The following RALYL variants were observed in gnomAD, a reference collection of about 807,000 sequenced individuals.
RALYL encodes the protein RALY RNA binding protein like, also known as RNA-binding Raly-like protein.
Under a neutral mutation model 35.1 loss-of-function variants are expected in RALYL, and 29 were observed. The ratio of observed to expected loss-of-function variants is 0.83; its 90% CI spans 0.61 to 1.13. The LOEUF (loss-of-function observed/expected upper bound fraction) is 1.13, where lower values mean the gene tolerates loss of function less well. Ranked by LOEUF, RALYL falls within the 50% of genes most tolerant of loss-of-function variation. The probability of loss-of-function intolerance (pLI) is 0.00; values close to 1 mark genes in which losing one functional copy is unlikely to be tolerated. For missense variants in RALYL, 359 were observed against 360.4 expected (o/e 1.00, Z 0.03); for synonymous variants, 120 against 127.6 (o/e 0.94, Z 0.40).
chr8:84,409,820 A>G (rs1009521795), intron 1 of RALYL, among the ~76,000 whole-genome samples: 1 of 151,960 alleles, frequency 6.6e-6, no homozygotes, highest in Non-Finnish European at 1.5e-5. Flanking sequence ...TTCTAAACCT[A>G]TTAAGAACTA....
At chr8:84,652,356 A>G (rs1165585463) in intron 2 of RALYL, among the ~76,000 whole-genome samples, 1 of 152,052 alleles carries the variant, frequency 6.6e-6, no homozygotes, top group Non-Finnish European at 1.5e-5. Context: ...TTTTAGTTAA[A>G]TGATTGCACT....
At chr8:84,583,797 C>A (rs1811378793) in intron 2 of RALYL, among the ~76,000 whole-genome samples, 2 of 152,040 alleles carry the variant, frequency 1.3e-5, no homozygotes, top group South Asian at 4.1e-4. Flanking sequence ...ATTATTAAAT[C>A]CTTGCAACAA....
rs373020590 is a variant in RALYL at position 84,874,306 on chromosome 8, C to T, written c.685+909C>T. Among the ~76,000 whole-genome samples the T allele has an allele frequency of 1.3e-4, 20 of 152,236 alleles. 1 individual carries two copies. In the South Asian group the frequency reaches 2.1e-3, roughly 16 times the overall value. Reference sequence around the variant, plus strand: ...TAAATAAATAAATAAAGTGTGAAAGCCCTTGATAAATCCAACCTCTTCATT... The same window carrying T: ...TAAATAAATAAATAAAGTGTGAAAGTCCTTGATAAATCCAACCTCTTCATT... On this transcript the variant is annotated intron_variant, in intron 7 of 8. Transcript: ENST00000521268.
At chr8:84,414,155 T>G (rs770600177) in intron 1 of RALYL, among the ~76,000 whole-genome samples, 2 of 152,162 alleles carry the variant, frequency 1.3e-5, no homozygotes, top group Admixed American at 6.5e-5. Context: ...AATCCCATGT[T>G]GATGACATTT....
intron 2 of RALYL, among the ~76,000 whole-genome samples, chr8:84,537,179 CTA>C (rs1380961781): frequency 3.5e-5 from 5 of 143,696 alleles, no homozygotes; most frequent in Non-Finnish European, 6.1e-5. Context: ...AAAAAAAACT[CTA>C]TTCACGGGCC....
intron 1 of RALYL, among the ~76,000 whole-genome samples, chr8:84,216,301 A>G (rs549989064): frequency 2.6e-5 from 4 of 152,172 alleles, no homozygotes; most frequent in African/African-American, 9.6e-5. Flanking sequence ...TTATACCACC[A>G]TAAGCCTATG....
At chr8:84,650,988 G>A (rs56815846) in intron 2 of RALYL, among the ~76,000 whole-genome samples, 29,507 of 151,490 alleles carry the variant, frequency 0.19, 3,102 homozygotes, top group Non-Finnish European at 0.23. Context: ...ACCAAACACC[G>A]CATATTCTCA....
rs145377200 is a variant in RALYL at position 84,676,781 on chromosome 8, C to T, written c.257-97798C>T. On this transcript the variant is annotated intron_variant, in intron 2 of 8. Transcript: ENST00000521268. Reference sequence around the variant, plus strand: ...CTTTCAAAATATTTTTTATTGCTTGCGCTTGATTACATATTAAAAGATTTT... The same window carrying T: ...CTTTCAAAATATTTTTTATTGCTTGTGCTTGATTACATATTAAAAGATTTT... Among the ~76,000 whole-genome samples the T allele has an allele frequency of 4.0e-3, 612 of 151,486 alleles. 6 individuals are homozygous for T. Among genetic ancestry groups the T allele is most frequent in the African/African-American group, 0.013 (552 of 41,178 alleles).
At chr8:84,621,187 G>A (rs1250076699) in intron 2 of RALYL, among the ~76,000 whole-genome samples, 3 of 152,186 alleles carry the variant, frequency 2.0e-5, no homozygotes, top group African/African-American at 7.2e-5. Flanking sequence ...CCCTCCCCCA[G>A]CCTTGCTGCC....
At chr8:84,782,975 C>T (rs191452947) in intron 3 of RALYL, among the ~76,000 whole-genome samples, 171 of 103,700 alleles carry the variant, frequency 1.6e-3, no homozygotes, top group African/African-American at 7.8e-3. Flanking sequence ...GGGTCTTGAG[C>T]GTCCAACCTA....
At chr8:84,476,343 C>T (rs2053416806) in intron 1 of RALYL, among the ~76,000 whole-genome samples, 1 of 152,148 alleles carries the variant, frequency 6.6e-6, no homozygotes, top group South Asian at 2.1e-4. Flanking sequence ...CTAGTCAAAA[C>T]TCTTTTCAAG....
intron 1 of RALYL, among the ~76,000 whole-genome samples, chr8:84,216,692 T>A (rs983731042): frequency 6.6e-6 from 1 of 152,280 alleles, no homozygotes; most frequent in East Asian, 1.9e-4. Context: ...ATGTTCTGTA[T>A]CTGCTATTTA....
chr8:84,188,762 C>A (rs1173811452), intron 1 of RALYL, among the ~76,000 whole-genome samples: 2 of 152,078 alleles, frequency 1.3e-5, no homozygotes, highest in African/African-American at 4.8e-5. Context: ...ACAGCTATTG[C>A]CAACTTTAGT....
At chr8:84,226,495 C>A (rs1333425563) in intron 1 of RALYL, among the ~76,000 whole-genome samples, 2 of 152,164 alleles carry the variant, frequency 1.3e-5, no homozygotes, top group Non-Finnish European at 2.9e-5. Context: ...CAACTTCCGC[C>A]TCCTGGATTC....
At chr8:84,876,832 C>T (rs1841244541) in intron 7 of RALYL, among the ~76,000 whole-genome samples, 1 of 152,114 alleles carries the variant, frequency 6.6e-6, no homozygotes, top group African/African-American at 2.4e-5. Flanking sequence ...TCATCCTACC[C>T]ATATGTTTGG....
intron 8 of RALYL, among the ~76,000 whole-genome samples, chr8:84,906,540 C>A (rs572947760): frequency 3.3e-5 from 5 of 152,186 alleles, no homozygotes; most frequent in Non-Finnish European, 7.4e-5. Context: ...TTCATTTAAT[C>A]TGAAATTGAA....
chr8:84,276,416 T>A (rs1164599786), intron 1 of RALYL, among the ~76,000 whole-genome samples: 1 of 152,220 alleles, frequency 6.6e-6, no homozygotes, highest in Admixed American at 6.5e-5. Flanking sequence ...CTTCCAGTAA[T>A]CTTTATTATT....
intron 2 of RALYL, among the ~76,000 whole-genome samples, chr8:84,717,048 A>C (rs1347380665): frequency 6.6e-6 from 1 of 152,142 alleles, no homozygotes; most frequent in Non-Finnish European, 1.5e-5. Flanking sequence ...TTAGCCATGC[A>C]TGATGGCACA....
intron 1 of RALYL, among the ~76,000 whole-genome samples, chr8:84,261,618 T>C (rs1832324993): frequency 6.6e-6 from 1 of 152,158 alleles, no homozygotes; most frequent in Admixed American, 6.5e-5. Context: ...TGGACTGATA[T>C]AAATATTTAA....
Sources: gnomAD v4.1 joint callset for allele counts (sites outside exome capture counted in the v4.1 genomes callset) on GRCh38, gnomAD v4.1.1 for gene constraint, MANE v1.5 for transcripts, NCBI Gene and HGNC (gene_info 2026-07-23, HGNC 2026-07-21) for gene names.